FARSB: variants seen among roughly 807,000 people sequenced by gnomAD.
The protein encoded by FARSB is phenylalanyl-tRNA synthetase subunit beta, also known as phenylalanine--tRNA ligase beta subunit.
Under a neutral mutation model 69.6 loss-of-function variants are expected in FARSB, and 40 were observed. The ratio of observed to expected loss-of-function variants is 0.57; its 90% CI spans 0.45 to 0.75. The LOEUF is 0.75. Ranked by LOEUF, FARSB falls within the 30% of genes least tolerant of loss-of-function variation. The pLI, the probability that FARSB is intolerant of heterozygous loss-of-function variation, is 0.00. For synonymous variants in FARSB, 235 were observed against 247.2 expected (o/e 0.95, Z 0.46); for missense variants, 632 against 722.9 (o/e 0.87, Z 1.44).
At chr2:222,586,096 G>A (rs1245362373) in intron 16 of FARSB, among the ~76,000 whole-genome samples, 1 of 152,186 alleles carries the variant, frequency 6.6e-6, no homozygotes, top group Non-Finnish European at 1.5e-5. Flanking sequence ...GGAAAAAAAT[G>A]TTAAGGGCAG....
At chr2:222,640,664 G>A (rs1691697242) in intron 4 of FARSB, among the ~76,000 whole-genome samples, 198 bp downstream of exon 4, 1 of 152,196 alleles carries the variant, frequency 6.6e-6, no homozygotes, top group Non-Finnish European at 1.5e-5. Flanking sequence ...GCTGAGGTGG[G>A]AGGATCACTT....
intron 16 of FARSB, among the ~76,000 whole-genome samples, chr2:222,573,014 G>A (rs1225547106): frequency 6.6e-6 from 1 of 152,190 alleles, no homozygotes. Flanking sequence ...GGGCCACAGT[G>A]TCCAGCCTGC....
At chr2:222,645,552 T>G (rs1691828634) in intron 2 of FARSB, among the ~76,000 whole-genome samples, 1 of 151,906 alleles carries the variant, frequency 6.6e-6, no homozygotes, top group South Asian at 2.1e-4. Flanking sequence ...TAGGTGAAGA[T>G]AGAAGGCTTA....
intron 7 of FARSB, among the ~76,000 whole-genome samples, chr2:222,632,380 A>T (rs1166185692): frequency 6.6e-6 from 1 of 152,158 alleles, no homozygotes; most frequent in Admixed American, 6.5e-5. Flanking sequence ...TTTGACCATG[A>T]TCATGAGCAG....
intron 5 of FARSB, among the ~76,000 whole-genome samples, chr2:222,636,134 C>T (rs1483557769): frequency 1.3e-5 from 2 of 150,094 alleles, no homozygotes; most frequent in Non-Finnish European, 3.0e-5. Context: ...AGGCCGCACG[C>T]GGTGGCTCAT....
chr2:222,651,670 T>C (rs1347439579), intron 1 of FARSB, among the ~76,000 whole-genome samples: 1 of 152,214 alleles, frequency 6.6e-6, no homozygotes, highest in Non-Finnish European at 1.5e-5. Flanking sequence ...GTGTAGGTGG[T>C]GTGGCTTTTG....
At chr2:222,578,092 T>G (rs1053632146) in intron 16 of FARSB, among the ~76,000 whole-genome samples, 1 of 152,218 alleles carries the variant, frequency 6.6e-6, no homozygotes, top group Non-Finnish European at 1.5e-5. Context: ...TTTGAAAACT[T>G]CTGTTCTTAA....
intron 16 of FARSB, among the ~76,000 whole-genome samples, chr2:222,580,813 A>G (rs1443260536): frequency 6.6e-6 from 1 of 152,224 alleles, no homozygotes; most frequent in African/African-American, 2.4e-5. Context: ...GAGAGTGACT[A>G]GAAACCTTTA....
chr2:222,634,511 A>T lies in FARSB; in HGVS notation c.486T>A (p.His162Gln). ...RKRALVAIGTHDLDTLSGPFT... is the reference protein window; with the variant it reads ...RKRALVAIGTQDLDTLSGPFT... ...ATGGGCCCGACAAAGTGTCCAAATC[A>T]TGGGTACCAATGGCAACCAGTGCTC... The change falls in exon 6 of 17, where the codon CAT (histidine) becomes CAA (glutamine). Residue 162 changes from histidine (H) to glutamine (Q), a missense_variant. His to Gln is a conservative substitution (Grantham distance 24, BLOSUM62 0). Transcript: ENST00000281828. The T allele has an allele frequency of 6.2e-7, 1 of 1,613,016 alleles. No individual in the cohort carries two copies. The highest frequency in any genetic ancestry group is 8.5e-7 in the Non-Finnish European group (1 of 1,179,514).
chr2:222,580,380 T>C (rs574447758), intron 16 of FARSB, among the ~76,000 whole-genome samples: 3 of 151,934 alleles, frequency 2.0e-5, no homozygotes, highest in African/African-American at 7.2e-5. Flanking sequence ...GTACTAAAGG[T>C]GAGGCATAGT....
chr2:222,636,618 C>A (rs1469525630), intron 5 of FARSB, among the ~76,000 whole-genome samples: 1 of 151,908 alleles, frequency 6.6e-6, no homozygotes, highest in Non-Finnish European at 1.5e-5. Flanking sequence ...TATGAAAAAA[C>A]TAAAAATATT....
intron 10 of FARSB, among the ~76,000 whole-genome samples, chr2:222,627,841 T>G (rs753059477): frequency 6.6e-6 from 1 of 152,224 alleles, no homozygotes; most frequent in Non-Finnish European, 1.5e-5. Context: ...TATTTCAGGC[T>G]GTGATTTACT....
In FARSB at chr2:222,637,197, T is replaced by C. The variant is rs182538641; in HGVS notation, c.455+2383A>G. On this transcript the variant is annotated intron_variant, in intron 5 of 16. Coordinates refer to ENST00000281828, the MANE Select transcript of FARSB (RefSeq NM_005687.5). ...CCGAAGAGCAAAATATATGGAGCAA[T>C]AGTTTTTATGGCAACTAACAGCAGG... Among the ~76,000 whole-genome samples, 239 of 152,036 alleles carry C rather than the reference T, an allele frequency of 1.6e-3. 1 individual carries two copies. Among genetic ancestry groups the C allele is most frequent in the African/African-American group, 5.5e-3 (230 of 41,476 alleles).
At chr2:222,624,825 T>G in intron 10 of FARSB, 50 bp from the exon 11 acceptor site, 1 of 1,133,276 alleles carries the variant, frequency 8.8e-7, no homozygotes, top group Non-Finnish European at 1.3e-6. Context: ...CAGATACAGC[T>G]TTAGAGTCTT....
At chr2:222,612,009 A>G (rs1404023220) in intron 15 of FARSB, among the ~76,000 whole-genome samples, 2 of 152,234 alleles carry the variant, frequency 1.3e-5, no homozygotes, top group African/African-American at 4.8e-5. Flanking sequence ...ATGTAACCAT[A>G]TATTTATAAA....
intron 2 of FARSB, among the ~76,000 whole-genome samples, chr2:222,643,273 C>T (rs1691767733): frequency 6.6e-6 from 1 of 152,182 alleles, no homozygotes; most frequent in Admixed American, 6.5e-5. Flanking sequence ...AAACAAGGGT[C>T]AGCAAGCAAT....
chr2:222,609,406 C>T (rs1333817349), intron 15 of FARSB, among the ~76,000 whole-genome samples: 2 of 152,194 alleles, frequency 1.3e-5, no homozygotes, highest in African/African-American at 4.8e-5. Context: ...CAATAGCTCA[C>T]ACAGCAGCCT....
rs776819290 is a variant in FARSB at position 222,639,648 on chromosome 2, T to C, written c.387A>G (p.Ile129Met). The change falls in exon 5 of 17, where the codon ATA becomes ATG. Residue 129 changes from isoleucine (I) to methionine (M), a missense_variant. Coordinates refer to ENST00000281828, the MANE Select transcript of FARSB (RefSeq NM_005687.5). ...TGTCATATCGATCTTTAGTAAACTT[T>C]ATATTACGGAGAACTGCTGCTACCG... Reference protein sequence around the residue: ...PFAVAAVLRNIKFTKDRYDSF... With the variant: ...PFAVAAVLRNMKFTKDRYDSF... The C allele has an allele frequency of 1.9e-5, 30 of 1,593,252 alleles. 1 individual carries two copies. The highest frequency in any genetic ancestry group is 2.4e-5 in the Non-Finnish European group (28 of 1,168,112).
chr2:222,635,777 A>G (rs1284326950), intron 5 of FARSB, among the ~76,000 whole-genome samples: 1 of 152,216 alleles, frequency 6.6e-6, no homozygotes, highest in Non-Finnish European at 1.5e-5. Flanking sequence ...CACCATAAAA[A>G]TTATTCAAAG....
Sources: gnomAD v4.1 joint callset for allele counts (sites outside exome capture counted in the v4.1 genomes callset) on GRCh38, gnomAD v4.1.1 for gene constraint, MANE v1.5 for transcripts, NCBI Gene and HGNC (gene_info 2026-07-23, HGNC 2026-07-21) for gene names.